Variants in ABTB3 observed in about 807,000 individuals in gnomAD.
The protein encoded by ABTB3 is ankyrin repeat- and BTB/POZ domain-containing protein 3.
the ABTB3 span, among the ~76,000 whole-genome samples, chr12:107,609,064 C>T: frequency 1.3e-5 from 2 of 152,124 alleles, no homozygotes; most frequent in African/African-American, 4.8e-5. Flanking sequence ...GCTGGATCTG[C>T]TAGTCTCTGC....
At chr12:107,510,120 G>A in the ABTB3 span, among the ~76,000 whole-genome samples, 2 of 152,108 alleles carry the variant, frequency 1.3e-5, no homozygotes, top group Non-Finnish European at 2.9e-5. Flanking sequence ...ATCTGAACCC[G>A]GCCAGGTCCG....
the ABTB3 span, among the ~76,000 whole-genome samples, chr12:107,588,710 G>A: frequency 2.6e-5 from 4 of 152,200 alleles, no homozygotes; most frequent in Admixed American, 1.3e-4. Flanking sequence ...TAGTAGAGAC[G>A]GGATTTTGCC....
At chr12:107,617,204 C>T in the ABTB3 span, 8 of 1,613,814 alleles carry the variant, frequency 5.0e-6, no homozygotes, top group Admixed American at 1.7e-5. Flanking sequence ...TGGTTCTCAC[C>T]CTGGCCAGGG....
the ABTB3 span, among the ~76,000 whole-genome samples, chr12:107,560,950 C>A: frequency 6.6e-6 from 1 of 152,182 alleles, no homozygotes; most frequent in South Asian, 2.1e-4. Context: ...AGAAGCATCA[C>A]CTGTGATGGC....
the ABTB3 span, among the ~76,000 whole-genome samples, chr12:107,548,495 G>A: frequency 1.3e-5 from 2 of 152,192 alleles, no homozygotes; most frequent in Admixed American, 1.3e-4. Flanking sequence ...CACAGCTTTG[G>A]AGTTGCTGCA....
the ABTB3 span, among the ~76,000 whole-genome samples, chr12:107,536,045 C>T: frequency 2.1e-4 from 32 of 152,078 alleles, no homozygotes; most frequent in Non-Finnish European, 4.4e-5. Flanking sequence ...AAAACAGACA[C>T]ATAGACCAAT....
At chr12:107,420,713 A>G in the ABTB3 span, among the ~76,000 whole-genome samples, 5 of 152,172 alleles carry the variant, frequency 3.3e-5, no homozygotes, top group Non-Finnish European at 7.3e-5. Context: ...TTAGGCCTGG[A>G]TTAGAATCAC....
chr12:107,563,469 G>A, the ABTB3 span, among the ~76,000 whole-genome samples: 6,503 of 152,252 alleles, frequency 0.043, 451 homozygotes, highest in African/African-American at 0.15. Context: ...CTCATAAAAT[G>A]TCATCTTGAG....
the ABTB3 span, among the ~76,000 whole-genome samples, chr12:107,615,784 G>C: frequency 1.3e-5 from 2 of 152,202 alleles, no homozygotes; most frequent in African/African-American, 2.4e-5. Flanking sequence ...TGTAGAGTTG[G>C]TGTTCAGTGA....
chr12:107,395,186 C>T, the ABTB3 span, among the ~76,000 whole-genome samples: 1 of 152,228 alleles, frequency 6.6e-6, no homozygotes, highest in Non-Finnish European at 1.5e-5. Flanking sequence ...ATTGAGTTGA[C>T]CTGTTTCTTA....
At chr12:107,493,416 T>A in the ABTB3 span, among the ~76,000 whole-genome samples, 2 of 152,138 alleles carry the variant, frequency 1.3e-5, no homozygotes, top group East Asian at 3.9e-4. Context: ...GGCAACGTTT[T>A]CCCAGCAAAC....
the ABTB3 span, among the ~76,000 whole-genome samples, chr12:107,614,330 T>C: frequency 6.6e-6 from 1 of 152,078 alleles, no homozygotes; most frequent in East Asian, 1.9e-4. Flanking sequence ...GTGCCCATAT[T>C]TCGGTAGTGC....
At chr12:107,474,874 C>A in the ABTB3 span, among the ~76,000 whole-genome samples, 1 of 152,116 alleles carries the variant, frequency 6.6e-6, no homozygotes, top group African/African-American at 2.4e-5. Flanking sequence ...ACAGTGCAAG[C>A]CCCAGCAGTG....
the ABTB3 span, among the ~76,000 whole-genome samples, chr12:107,606,524 G>A: frequency 2.6e-5 from 4 of 152,128 alleles, no homozygotes; most frequent in Non-Finnish European, 4.4e-5. Flanking sequence ...CCAGCATACC[G>A]TAGGTGCCCA....
the ABTB3 span, among the ~76,000 whole-genome samples, chr12:107,594,238 G>A: frequency 6.6e-6 from 1 of 152,132 alleles, no homozygotes; most frequent in African/African-American, 2.4e-5. Context: ...CATGTGCACC[G>A]TAATTTCATT....
chr12:107,536,349 A>G, the ABTB3 span, among the ~76,000 whole-genome samples: 3 of 152,190 alleles, frequency 2.0e-5, no homozygotes, highest in Non-Finnish European at 2.9e-5. Context: ...TAGAGGTAAG[A>G]CTTCAAAAGT....
chr12:107,446,191 G>A, the ABTB3 span, among the ~76,000 whole-genome samples: 1 of 152,144 alleles, frequency 6.6e-6, no homozygotes, highest in Admixed American at 6.5e-5. Flanking sequence ...GGCGCTGAGT[G>A]CATGGGAAAG....
At chr12:107,453,237 G>A in the ABTB3 span, among the ~76,000 whole-genome samples, 1 of 152,156 alleles carries the variant, frequency 6.6e-6, no homozygotes, top group Non-Finnish European at 1.5e-5. Flanking sequence ...AAGGTGAGGA[G>A]CTGGGATTTT....
chr12:107,438,677 T>C, the ABTB3 span, among the ~76,000 whole-genome samples: 2 of 152,350 alleles, frequency 1.3e-5, 1 homozygote, highest in South Asian at 4.1e-4. Flanking sequence ...TAAATTGCTG[T>C]TGTTGCCCTC....
Sources: allele counts gnomAD v4.1 joint callset (sites outside exome capture counted in the v4.1 genomes callset), GRCh38; gene constraint gnomAD v4.1.1; transcripts MANE v1.5; gene names NCBI Gene and HGNC (gene_info 2026-07-23, HGNC 2026-07-21).